Variants in RBFOX1 observed in about 807,000 individuals in gnomAD.
RBFOX1 encodes RNA binding fox-1 homolog 1, also known as RNA binding protein fox-1 homolog 1.
In RBFOX1, 8 loss-of-function variants were observed where a neutral mutation model predicts 57.7. The observed-to-expected ratio is 0.14, with a 90% confidence interval of 0.08 to 0.25. The LOEUF (loss-of-function observed/expected upper bound fraction) is 0.25, where lower values mean the gene tolerates loss of function less well. RBFOX1 is among the 10% of genes least tolerant of loss of function. The pLI is 1.00. For synonymous variants in RBFOX1, 326 were observed against 222.4 expected, an observed-to-expected ratio of 1.47 and a Z score of -4.15; for missense variants, 611 against 548.5, an observed-to-expected ratio of 1.11 and a Z score of -1.14.
At chr16:7,379,695 C>T (rs918945570) in intron 4 of RBFOX1, among the ~76,000 whole-genome samples, 6 of 151,984 alleles carry the variant, frequency 3.9e-5, no homozygotes, top group East Asian at 1.9e-4. Flanking sequence ...ATTTCTTAAG[C>T]TGGGTAGTAA....
At chr16:6,768,954 C>T (rs995542739) in intron 3 of RBFOX1, among the ~76,000 whole-genome samples, 1 of 152,074 alleles carries the variant, frequency 6.6e-6, no homozygotes, top group Non-Finnish European at 1.5e-5. Context: ...GTCTCAAACT[C>T]CTGACCTCGT....
chr16:5,487,977 C>T (rs1467090470), intron 2 of RBFOX1, among the ~76,000 whole-genome samples: 3 of 151,374 alleles, frequency 2.0e-5, no homozygotes, highest in African/African-American at 2.4e-5. Context: ...ATGGTGAAGA[C>T]GATGATGTAA....
Position 6,687,335 on chromosome 16 carries a change from C to T in RBFOX1, c.-16+32685C>T, listed in dbSNP as rs144441717. ...GGGGTAATAAACTGCATATTAGGTA[C>T]AATGTACACTACTTGCGTGACAGGT... On this transcript the variant is annotated intron_variant, in intron 3 of 15. Transcript: ENST00000550418. Among the ~76,000 whole-genome samples, 7 of 152,170 alleles carry T rather than the reference C, an allele frequency of 4.6e-5. No homozygotes were observed. The East Asian group carries it at 1.4e-3, about 29-fold the overall frequency.
chr16:5,835,408 T>G (rs1940541794), intron 3 of RBFOX1, among the ~76,000 whole-genome samples: 1 of 152,240 alleles, frequency 6.6e-6, no homozygotes, highest in Non-Finnish European at 1.5e-5. Flanking sequence ...GGATTCATAC[T>G]TGGGGAGGCT....
At chr16:7,458,639 G>A (rs930814700) in intron 4 of RBFOX1, among the ~76,000 whole-genome samples, 1 of 151,904 alleles carries the variant, frequency 6.6e-6, no homozygotes, top group Non-Finnish European at 1.5e-5. Flanking sequence ...TTCCCCTTAA[G>A]GTCTTTTTGA....
intron 14 of RBFOX1, among the ~76,000 whole-genome samples, chr16:7,705,664 G>T (rs563321512): frequency 6.6e-5 from 10 of 152,310 alleles, no homozygotes; most frequent in Admixed American, 5.9e-4. Flanking sequence ...GGGAGTCATA[G>T]GATTAGATTT....
chr16:5,694,987 G>T (rs1395770252), intron 3 of RBFOX1, among the ~76,000 whole-genome samples: 1 of 151,800 alleles, frequency 6.6e-6, no homozygotes, highest in African/African-American at 2.4e-5. Flanking sequence ...AAAGGTGAGG[G>T]TCTGGAAGCT....
At chr16:6,939,964 A>G (rs2078072270) in intron 3 of RBFOX1, among the ~76,000 whole-genome samples, 1 of 152,224 alleles carries the variant, frequency 6.6e-6, no homozygotes, top group South Asian at 2.1e-4. Flanking sequence ...ACATGGGTGG[A>G]ATTTAAAGTT....
intron 4 of RBFOX1, among the ~76,000 whole-genome samples, chr16:7,357,234 G>GAA (rs60020210): frequency 2.7e-4 from 38 of 141,280 alleles, no homozygotes; most frequent in African/African-American, 4.9e-4. Flanking sequence ...AGGAGAAATG[G>GAA]AAAAAAAAAA....
At chr16:7,107,105 G>A (rs186097578) in intron 4 of RBFOX1, among the ~76,000 whole-genome samples, 1 of 152,232 alleles carries the variant, frequency 6.6e-6, no homozygotes, top group Non-Finnish European at 1.5e-5. Context: ...TTCGAAAGTT[G>A]GGAGGACCAA....
chr16:7,709,081 C>A lies in RBFOX1; in HGVS notation c.1021C>A (p.Pro341Thr), dbSNP rs2083428290. Residue 341 changes from proline (P) to threonine (T), a missense_variant, in exon 15 of 16, where the codon CCC becomes ACC. Physicochemically the swap from Pro to Thr is conservative, Grantham distance 38 (BLOSUM62 -1). Transcript: ENST00000550418. ...TTACGGACGAGTTTATGCTGCCGACCCCTACCACCACGCACTTGCTCCAGC... is the reference window on the plus strand; with the variant it reads ...TTACGGACGAGTTTATGCTGCCGACACCTACCACCACGCACTTGCTCCAGC... The part of the protein sequence containing the change: ...DSYGRVYAAD[P>T]YHHALAPAPT... 6.2e-7 allele frequency: 1 copy of A among 1,613,100 alleles called. No individual in the cohort carries two copies. Among genetic ancestry groups the A allele is most frequent in the Non-Finnish European group, 8.5e-7 (1 of 1,179,528 alleles).
chr16:7,205,604 A>G (rs1266002337), intron 4 of RBFOX1, among the ~76,000 whole-genome samples: 1 of 152,206 alleles, frequency 6.6e-6, no homozygotes, highest in East Asian at 1.9e-4. Flanking sequence ...CCCTGTTTTC[A>G]CTTCTACAAT....
At chr16:5,610,012 C>T (rs935374546) in intron 3 of RBFOX1, among the ~76,000 whole-genome samples, 1 of 152,172 alleles carries the variant, frequency 6.6e-6, no homozygotes, top group African/African-American at 2.4e-5. Context: ...GCTTAGCACC[C>T]TTCTTCTTTT....
chr16:6,671,103 T>C (rs1389458140), intron 3 of RBFOX1, among the ~76,000 whole-genome samples: 1 of 152,228 alleles, frequency 6.6e-6, no homozygotes, highest in Non-Finnish European at 1.5e-5. Flanking sequence ...CAGATAATTA[T>C]TTCTTTTGAC....
chr16:7,608,711 TAAATG>T (rs2141326175), intron 10 of RBFOX1, among the ~76,000 whole-genome samples: 1 of 152,328 alleles, frequency 6.6e-6, no homozygotes, highest in African/African-American at 2.4e-5. Flanking sequence ...CCTCATCTAT[TAAATG>T]GAGATGATAG....
At chr16:6,005,499 A>C (rs2152333121) in intron 4 of RBFOX1, among the ~76,000 whole-genome samples, 1 of 152,358 alleles carries the variant, frequency 6.6e-6, no homozygotes, top group South Asian at 2.1e-4. Flanking sequence ...CAAGGCATGA[A>C]GTGTTAGGTG....
chr16:5,535,483 A>G (rs2044657422), intron 2 of RBFOX1, among the ~76,000 whole-genome samples: 1 of 152,232 alleles, frequency 6.6e-6, no homozygotes, highest in African/African-American at 2.4e-5. Flanking sequence ...GGTGAAAAGC[A>G]GTCCCCAGTC....
At chr16:6,897,116 A>G (rs919352408) in intron 3 of RBFOX1, among the ~76,000 whole-genome samples, 11 of 152,198 alleles carry the variant, frequency 7.2e-5, no homozygotes, top group African/African-American at 2.4e-4. Context: ...TATTTGGCAC[A>G]TAAGAAAACC....
intron 4 of RBFOX1, among the ~76,000 whole-genome samples, chr16:7,289,864 C>T (rs529247787): frequency 1.3e-5 from 2 of 152,324 alleles, no homozygotes; most frequent in Admixed American, 6.5e-5. Context: ...AAAAGCCACT[C>T]AGCTAGTATG....
Sources: allele counts gnomAD v4.1 joint callset (sites outside exome capture counted in the v4.1 genomes callset), GRCh38; gene constraint gnomAD v4.1.1; transcripts MANE v1.5; gene names NCBI Gene and HGNC (gene_info 2026-07-23, HGNC 2026-07-21).